Variants in DCAF10 observed in about 807,000 individuals in gnomAD.
DCAF10 encodes DDB1 and CUL4 associated factor 10, also known as DDB1- and CUL4-associated factor 10.
DCAF10 carries 19 observed loss-of-function variants against 51.9 expected under a neutral mutation model. The observed-to-expected ratio is 0.37, with a 90% CI of 0.26 to 0.54. The LOEUF (loss-of-function observed/expected upper bound fraction) is 0.54. DCAF10 is among the 20% of genes least tolerant of loss of function. DCAF10 has a pLI of 0.87. For synonymous variants in DCAF10, 291 were observed against 297.1 expected, an observed-to-expected ratio of 0.98 and a Z score of 0.21; for missense variants, 510 against 730.6, an observed-to-expected ratio of 0.70 and a Z score of 3.48.
chr9:37,831,304 C>A (rs1472502812), intron 2 of DCAF10, among the ~76,000 whole-genome samples: 1 of 152,186 alleles, frequency 6.6e-6, no homozygotes, highest in Non-Finnish European at 1.5e-5. Flanking sequence ...TACTAACTTC[C>A]ATTTTTTAAT....
At chr9:37,841,558 G>T (rs921954710) in intron 2 of DCAF10, among the ~76,000 whole-genome samples, 12 of 152,114 alleles carry the variant, frequency 7.9e-5, no homozygotes, top group African/African-American at 2.9e-4. Context: ...GATTATTTGG[G>T]AAATACCTTT....
chr9:37,803,918 G>A (rs1055027917), intron 1 of DCAF10, among the ~76,000 whole-genome samples: 2 of 151,036 alleles, frequency 1.3e-5, no homozygotes, highest in Non-Finnish European at 3.0e-5. Flanking sequence ...AGATAAATGG[G>A]TTAGAAGGTA....
rs13440073 is a variant in DCAF10, at chr9:37,829,306, C to G, written c.653+9905C>G. Among the ~76,000 whole-genome samples, 29,125 of 151,820 alleles carry G rather than the reference C, an allele frequency of 0.19. 3,200 individuals are homozygous for G. Among genetic ancestry groups the G allele is most frequent in the African/African-American group, 0.29 (12,118 of 41,370 alleles). ...AATACAAAAATTAGCCGGGCATGGTCGTGCATGCCTGTAATCCCAGCTACT... is the reference window on the plus strand; with the variant it reads ...AATACAAAAATTAGCCGGGCATGGTGGTGCATGCCTGTAATCCCAGCTACT... On this transcript the variant is annotated intron_variant, in intron 2 of 6. Coordinates refer to ENST00000377724, the MANE Select transcript of DCAF10 (RefSeq NM_024345.5). The surrounding 1 kb of genome is among the most constrained non-coding windows in gnomAD (Gnocchi z 4.2).
chr9:37,830,518 A>G (rs1208482435), intron 2 of DCAF10, among the ~76,000 whole-genome samples: 1 of 152,190 alleles, frequency 6.6e-6, no homozygotes, highest in Non-Finnish European at 1.5e-5. Flanking sequence ...ACTTTTGGAT[A>G]GTGGTTCCCT....
rs569117776 is a variant in DCAF10, at chr9:37,811,137, C to G, written c.540-8151C>G. Among the ~76,000 whole-genome samples, 12 of 152,096 alleles carry G rather than the reference C, an allele frequency of 7.9e-5. No individual in the cohort carries two copies. In the South Asian group the frequency reaches 2.5e-3, roughly 32 times the overall value. ...TTGAGGCCAGGAGTTGGAGACCAGT[C>G]TGAGCAACATAGTGAGAGATCCCAT... is the stretch of plus-strand genomic sequence containing the variant. On this transcript the variant is annotated intron_variant, in intron 1 of 6. Transcript: ENST00000377724.
chr9:37,858,990 C>A (rs919261497), intron 5 of DCAF10, among the ~76,000 whole-genome samples: 2 of 152,226 alleles, frequency 1.3e-5, no homozygotes, highest in Admixed American at 1.3e-4. Context: ...AGCAAACCAC[C>A]TACTTAGAAT....
rs892363531 is a variant in DCAF10 at position 37,863,452 on chromosome 9, C to T, written c.*1944C>T. On this transcript the variant is annotated 3_prime_UTR_variant, in exon 7 of 7. Coordinates refer to ENST00000377724, the MANE Select transcript of DCAF10 (RefSeq NM_024345.5). ...AAGCAATTTTAGAGGTGGAAAATACCTTAGAATGGAATCATTTGCATTATT... is the reference window on the plus strand; with the variant it reads ...AAGCAATTTTAGAGGTGGAAAATACTTTAGAATGGAATCATTTGCATTATT... 2 of 151,118 alleles carry T rather than the reference C, an allele frequency of 1.3e-5. No individual in the cohort carries two copies. The highest frequency in any genetic ancestry group is 2.1e-4 in the South Asian group (1 of 4,786). 9.4% of individuals were successfully genotyped at this position (151,118 alleles called of 1,614,324 possible).
intron 1 of DCAF10, among the ~76,000 whole-genome samples, chr9:37,810,498 G>A (rs1322410485): frequency 6.7e-6 from 1 of 148,352 alleles, no homozygotes; most frequent in Non-Finnish European, 1.5e-5. Flanking sequence ...ATTCACTGTT[G>A]TTGCCCAGGC....
intron 1 of DCAF10, among the ~76,000 whole-genome samples, chr9:37,803,318 C>T (rs1410577970): frequency 6.6e-6 from 1 of 151,822 alleles, no homozygotes; most frequent in Non-Finnish European, 1.5e-5. Context: ...TGCTTTTTTT[C>T]TTACAGTAAA....
intron 2 of DCAF10, among the ~76,000 whole-genome samples, chr9:37,826,832 T>C (rs1829865305): frequency 6.7e-6 from 1 of 149,112 alleles, no homozygotes; most frequent in African/African-American, 2.5e-5. Context: ...TTTTTTTTTT[T>C]TTTTTTTTTT....
At position 37,801,455 on chromosome 9, in the gene DCAF10, T is replaced by C; in HGVS notation, c.539+50T>C. 3.6e-6 allele frequency: 5 copies of C among 1,372,928 alleles called. No homozygotes were observed. The highest frequency in any genetic ancestry group is 3.8e-6 in the Non-Finnish European group (4 of 1,061,808). 85.0% of individuals were successfully genotyped at this position (1,372,928 alleles called of 1,614,324 possible). On this transcript the variant is annotated intron_variant, in intron 1 of 6. Coordinates refer to ENST00000377724, the MANE Select transcript of DCAF10 (RefSeq NM_024345.5). This position sits in a 1 kb window ranked among gnomAD's most constrained non-coding sequence, Gnocchi z 5.5. Reference sequence around the variant, plus strand: ...GGCGCCCGCCTCCGCCCGGCTCTGCTGCCAGCGGACGGCCGTCCTGGGCTC... The same window carrying C: ...GGCGCCCGCCTCCGCCCGGCTCTGCCGCCAGCGGACGGCCGTCCTGGGCTC...
At chr9:37,840,624 A>G (rs1212707141) in intron 2 of DCAF10, among the ~76,000 whole-genome samples, 1 of 152,212 alleles carries the variant, frequency 6.6e-6, no homozygotes, top group Non-Finnish European at 1.5e-5. Context: ...TTCATGAAGT[A>G]AAAAAAGTTA....
chr9:37,851,771 G>A (rs1284678012), intron 3 of DCAF10, among the ~76,000 whole-genome samples: 1 of 149,420 alleles, frequency 6.7e-6, no homozygotes, highest in East Asian at 2.0e-4. Flanking sequence ...TTGGGCGACA[G>A]AGTAAGACTC....
intron 1 of DCAF10, among the ~76,000 whole-genome samples, chr9:37,809,606 G>A (rs1051857885): frequency 6.6e-6 from 1 of 152,206 alleles, no homozygotes; most frequent in Non-Finnish European, 1.5e-5. Context: ...GGCCGAGGCG[G>A]GTGGATCACC....
intron 1 of DCAF10, 96 bp from the exon 2 acceptor site, chr9:37,819,192 T>C: frequency 1.1e-6 from 1 of 935,324 alleles, no homozygotes; most frequent in South Asian, 1.7e-5. Flanking sequence ...AAAAAAAAGT[T>C]ATTTACCTAT....
In DCAF10 at chr9:37,842,266, C is replaced by A; in HGVS notation, c.831C>A (p.Val277=). ...LLVTSGFDGN[V]IIWDTNRYTE... ...TAACATCAGGATTTGATGGAAATGT[C>A]ATTATTTGGGACACTAACAGGTTTG... Residue 277 remains valine (V), a synonymous_variant, in exon 3 of 7, where the codon GTC becomes GTA. Coordinates refer to ENST00000377724, the MANE Select transcript of DCAF10 (RefSeq NM_024345.5). The A allele has an allele frequency of 1.2e-6, 2 of 1,613,196 alleles. No individual in the cohort carries two copies. The highest frequency in any genetic ancestry group is 1.1e-5 in the South Asian group (1 of 90,810).
At position 37,862,170 on chromosome 9, in the gene DCAF10, T is replaced by C. The variant is rs1699780336; in HGVS notation, c.*662T>C. The C allele has an allele frequency of 6.6e-6, 1 of 152,582 alleles. No homozygotes were observed. The highest frequency in any genetic ancestry group is 1.9e-4 in the East Asian group (1 of 5,200). 9.5% of individuals were successfully genotyped at this position (152,582 alleles called of 1,614,324 possible). On this transcript the variant is annotated 3_prime_UTR_variant, in exon 7 of 7. Transcript: ENST00000377724. ...TGGTGAGAGGGATTTTATTGTGAAATTCTAGAAAAAAATATTACCACCTCT... is the reference window on the plus strand; with the variant it reads ...TGGTGAGAGGGATTTTATTGTGAAACTCTAGAAAAAAATATTACCACCTCT...
intron 1 of DCAF10, among the ~76,000 whole-genome samples, chr9:37,816,659 G>GGGGTGGGTGTGTGTGTGT (rs372664140): frequency 2.1e-5 from 3 of 144,890 alleles, no homozygotes; most frequent in African/African-American, 7.5e-5. Flanking sequence ...CTGCACCTGG[G>GGGGTGGGTGTGTGTGTGT]GTGTGTGTGT....
chr9:37,840,507 TTAA>T (rs1443374328), intron 2 of DCAF10, among the ~76,000 whole-genome samples: 1 of 152,186 alleles, frequency 6.6e-6, no homozygotes, highest in Non-Finnish European at 1.5e-5. Context: ...TAGAAAAAAG[TTAA>T]TAAAATAAGG....
Sources: gnomAD v4.1 joint callset for allele counts (sites outside exome capture counted in the v4.1 genomes callset) on GRCh38, gnomAD v4.1.1 for gene constraint, Gnocchi (gnomAD v3.1) non-coding constraint, MANE v1.5 for transcripts, NCBI Gene and HGNC (gene_info 2026-07-23, HGNC 2026-07-21) for gene names.